FAM234B: variants seen among roughly 807,000 people sequenced by gnomAD.
FAM234B encodes the protein protein FAM234B.
In FAM234B, 33 loss-of-function variants were observed where a neutral mutation model predicts 69.3. That is an observed-to-expected ratio of 0.48 (90% CI 0.36 to 0.64). FAM234B has a LOEUF of 0.64. Ranked by LOEUF, FAM234B falls within the 30% of genes least tolerant of loss-of-function variation. The pLI is 0.00. For missense variants in FAM234B, 697 were observed against 769.7 expected (o/e 0.91, Z 1.12); for synonymous variants, 306 against 306.9 (o/e 1.00, Z 0.03).
At chr12:13,063,853 G>A (rs771315560) in intron 5 of FAM234B, among the ~76,000 whole-genome samples, 1 of 152,204 alleles carries the variant, frequency 6.6e-6, no homozygotes, top group Non-Finnish European at 1.5e-5. Flanking sequence ...AATCGGCAAA[G>A]AATGTTTGTG....
chr12:13,049,249 G>A (rs1318341261), intron 1 of FAM234B, among the ~76,000 whole-genome samples: 1 of 152,184 alleles, frequency 6.6e-6, no homozygotes, highest in Non-Finnish European at 1.5e-5. Flanking sequence ...GCATGGTCTC[G>A]ACTCACTCTA....
In FAM234B at chr12:13,066,760, G is replaced by A; in HGVS notation, c.973G>A (p.Gly325Arg). The A allele has an allele frequency of 6.2e-7, 1 of 1,613,934 alleles. No individual in the cohort carries two copies. The highest frequency in any genetic ancestry group is 8.5e-7 in the Non-Finnish European group (1 of 1,179,926). Residue 325 changes from glycine (G) to arginine (R), a missense_variant, in exon 6 of 13, where the codon GGG (glycine) becomes AGG (arginine). Gly to Arg is a moderately radical substitution (Grantham distance 125). This residue lies in a region of FAM234B where 380 missense variants were observed against 447.1 expected (regional missense o/e 0.85). Coordinates refer to ENST00000197268, the MANE Select transcript of FAM234B (RefSeq NM_020853.2). Reference sequence around the variant, plus strand: ...TCCTCAGGTTTACATCACCACAAATGGGGCTGTCTACATCCTGTTTGGCTT... The same window carrying A: ...TCCTCAGGTTTACATCACCACAAATAGGGCTGTCTACATCCTGTTTGGCTT... ...IGPQVYITTN[G>R]AVYILFGFGN...
chr12:13,076,554 T>G (rs988948269), intron 11 of FAM234B, among the ~76,000 whole-genome samples: 1 of 152,208 alleles, frequency 6.6e-6, no homozygotes, highest in Non-Finnish European at 1.5e-5. Flanking sequence ...ATGATGGAGA[T>G]AGAATGTGTT....
Position 13,055,795 on chromosome 12 carries a change from G to A in FAM234B, c.282G>A (p.Ala94=), listed in dbSNP as rs370392140. 99 of 1,614,144 alleles carry A rather than the reference G, an allele frequency of 6.1e-5. No homozygotes were observed. Among genetic ancestry groups the A allele is most frequent in the East Asian group, 2.7e-4 (12 of 44,878 alleles). Residue 94 remains alanine, a synonymous_variant, in exon 2 of 13, where the codon GCG becomes GCA. Transcript: ENST00000197268. ...SEPLGGLEQK[A]ASSLVSYVRT... ...CCCTTGGGGGCCTGGAACAGAAGGC[G>A]GCCTCCTCCCTGGTGTCATATGTGC...
chr12:13,077,667 A>T (rs1043041345), intron 11 of FAM234B, among the ~76,000 whole-genome samples: 6 of 151,196 alleles, frequency 4.0e-5, no homozygotes, highest in Non-Finnish European at 8.9e-5. Context: ...AATCCAGTCT[A>T]TCATTGTTGG....
rs112235857 is a variant in FAM234B, at chr12:13,044,523, C to T, written c.37+83C>T. 8 of 1,464,864 alleles carry T rather than the reference C, an allele frequency of 5.5e-6. No homozygotes were observed. Among genetic ancestry groups the T allele is most frequent in the Middle Eastern group, 1.8e-4 (1 of 5,634 alleles). 90.7% of individuals were successfully genotyped at this position (1,464,864 alleles called of 1,614,324 possible). ...GCGAGGCTCTGGGGGCGAGGCCGGT[C>T]GGGCCCTGGCCTCAACCCAGACTCA... On this transcript the variant is annotated intron_variant, in intron 1 of 12. Transcript: ENST00000197268. The surrounding 1 kb of genome is among the most constrained non-coding windows in gnomAD (Gnocchi z 5.6).
chr12:13,069,602 C>A (rs11055227), intron 9 of FAM234B, among the ~76,000 whole-genome samples: 3,040 of 152,126 alleles, frequency 0.02, 46 homozygotes, highest in Non-Finnish European at 0.029. Flanking sequence ...GGAGTGCAGG[C>A]GAGCTGGAGG....
Position 13,061,613 on chromosome 12 carries a change from G to T in FAM234B, c.571G>T (p.Gly191Trp), listed in dbSNP as rs1227511656. 1.2e-6 allele frequency: 2 copies of T among 1,613,560 alleles called. No homozygotes were observed. Among genetic ancestry groups the T allele is most frequent in the East Asian group, 4.5e-5 (2 of 44,878 alleles). ...RPAANLVCLS[G>W]MNGSTLWSSL... ...AGCTGCTAATCTTGTATGCCTTTCG[G>T]GGATGAATGGCAGCACACTGTGGTC... is the stretch of plus-strand genomic sequence containing the variant. The change falls in exon 4 of 13, where the codon GGG becomes TGG. Residue 191 changes from glycine (G) to tryptophan (W), a missense_variant. Around this residue, in one of 3 missense-constraint regions of FAM234B, gnomAD observed 380 missense variants for 447.1 expected, o/e 0.85. Transcript: ENST00000197268.
In FAM234B at chr12:13,082,465, G is replaced by T. The variant is rs1865246629; in HGVS notation, c.*1835G>T. 1 of 152,174 alleles carries T rather than the reference G, an allele frequency of 6.6e-6. No homozygotes were observed. The highest frequency in any genetic ancestry group is 1.5e-5 in the Non-Finnish European group (1 of 68,036). The allele number at this position is 152,174 out of a possible 1,614,324, so 9.4% of individuals were successfully genotyped here. ...CTGGGTGCCTCTGCCTTAAGATCCT[G>T]AAGGCAAATTTTGTTTCAACAGTTT... On this transcript the variant is annotated 3_prime_UTR_variant, in exon 13 of 13. Transcript: ENST00000197268.
intron 2 of FAM234B, 50 bp downstream of exon 2, chr12:13,055,996 C>T (rs370275804): frequency 6.8e-7 from 1 of 1,470,258 alleles, no homozygotes; most frequent in South Asian, 1.4e-5. Context: ...CATGCTATGT[C>T]TGATTACATT....
chr12:13,052,048 G>A (rs1314883862), intron 1 of FAM234B, among the ~76,000 whole-genome samples: 1 of 152,192 alleles, frequency 6.6e-6, no homozygotes, highest in African/African-American at 2.4e-5. Context: ...TTGGCTTGAT[G>A]TTTGATTGTG....
intron 3 of FAM234B, among the ~76,000 whole-genome samples, 199 bp downstream of exon 3, chr12:13,058,748 A>T: frequency 6.6e-6 from 1 of 152,194 alleles, no homozygotes; most frequent in East Asian, 1.9e-4. Flanking sequence ...GGAGGGAGTT[A>T]GAGCTGGAAG....
Position 13,079,815 on chromosome 12 carries a change from G to A in FAM234B, c.1669G>A (p.Ala557Thr), listed in dbSNP as rs1184825359. The change falls in exon 12 of 13, where the codon GCC (alanine) becomes ACC (threonine). Residue 557 changes from alanine (A) to threonine (T), a missense_variant. By Grantham distance (58) the Ala-to-Thr change is moderately conservative. Around this residue, in one of 3 missense-constraint regions of FAM234B, gnomAD observed 313 missense variants for 305.5 expected, o/e 1.02. Transcript: ENST00000197268. The stretch of plus-strand genomic sequence containing the variant: ...TGGAATTAACGACCTCTGGAAAGAT[G>A]CCTTTTATGTTACCAGGACAACAGG... The part of the protein sequence containing the change: ...EVGINDLWKD[A>T]FYVTRTTGPS... The A allele has an allele frequency of 6.2e-7, 1 of 1,613,768 alleles. No homozygotes were observed. Among genetic ancestry groups the A allele is most frequent in the Non-Finnish European group, 8.5e-7 (1 of 1,179,796 alleles).
chr12:13,061,355 G>C (rs1053702981), intron 3 of FAM234B, among the ~76,000 whole-genome samples: 1 of 152,076 alleles, frequency 6.6e-6, no homozygotes, highest in African/African-American at 2.4e-5. Context: ...ACAGTGTAGA[G>C]GAGGCCACAG....
chr12:13,061,579 C>T lies in FAM234B; in HGVS notation c.537C>T (p.Val179=), dbSNP rs774445255. The T allele has an allele frequency of 1.2e-6, 2 of 1,611,818 alleles. No homozygotes were observed. Among genetic ancestry groups the T allele is most frequent in the South Asian group, 1.1e-5 (1 of 90,812 alleles). Residue 179 remains valine, a synonymous_variant, in exon 4 of 13, where the codon GTC becomes GTT. Coordinates refer to ENST00000197268, the MANE Select transcript of FAM234B (RefSeq NM_020853.2). ...ATCTCTCTTGTGTGCTTTTAGGTGT[C>T]TCAAGACCAGCTGCTAATCTTGTAT... is the stretch of plus-strand genomic sequence containing the variant. ...VMSRNGSAVG[V]SRPAANLVCL...
intron 1 of FAM234B, among the ~76,000 whole-genome samples, chr12:13,054,554 T>C (rs1864909365): frequency 6.6e-6 from 1 of 152,222 alleles, no homozygotes; most frequent in South Asian, 2.1e-4. Flanking sequence ...TTTCCCCTTT[T>C]TAATTAGCTG....
intron 5 of FAM234B, among the ~76,000 whole-genome samples, chr12:13,065,108 G>C (rs1378192079): frequency 1.3e-5 from 2 of 152,088 alleles, no homozygotes; most frequent in Non-Finnish European, 2.9e-5. Flanking sequence ...TCATTTTTGG[G>C]CCAGCTCCAG....
At chr12:13,054,405 C>T (rs1408880452) in intron 1 of FAM234B, among the ~76,000 whole-genome samples, 2 of 152,116 alleles carry the variant, frequency 1.3e-5, no homozygotes, top group African/African-American at 4.8e-5. Flanking sequence ...GGGTCCTTGC[C>T]TTCCCGCAAC....
chr12:13,058,604 A>G, intron 3 of FAM234B, 55 bp downstream of exon 3: 1 of 1,436,164 alleles, frequency 7.0e-7, no homozygotes, highest in Non-Finnish European at 9.8e-7. Context: ...GCTAGGAGAA[A>G]ACATCAGAGC....
Sources: allele counts gnomAD v4.1 joint callset (sites outside exome capture counted in the v4.1 genomes callset), GRCh38; gene constraint gnomAD v4.1.1; regional missense constraint gnomAD v4.1.1; non-coding constraint Gnocchi (gnomAD v3.1); transcripts MANE v1.5; gene names NCBI Gene and HGNC (gene_info 2026-07-23, HGNC 2026-07-21).